CNDP1: variants seen among roughly 807,000 people sequenced by gnomAD.
CNDP1 encodes the protein beta-Ala-His dipeptidase.
In CNDP1, 44 loss-of-function variants were observed where a neutral mutation model predicts 58.1. The ratio of observed to expected loss-of-function variants is 0.76; its 90% CI spans 0.60 to 0.97. The LOEUF (loss-of-function observed/expected upper bound fraction) is 0.97. CNDP1 is among the 50% of genes least tolerant of loss of function. The pLI is 0.00. For missense variants in CNDP1, 616 were observed against 655.1 expected (o/e 0.94, Z 0.65); for synonymous variants, 254 against 252.6 (o/e 1.01, Z -0.05).
intron 5 of CNDP1, among the ~76,000 whole-genome samples, chr18:74,563,342 G>A (rs1046574561): frequency 6.6e-6 from 1 of 152,046 alleles, no homozygotes; most frequent in African/African-American, 2.4e-5. Flanking sequence ...TTCTATCTCT[G>A]TCTCCCTCTC....
In CNDP1 at chr18:74,545,845, A is replaced by C. The variant is rs768170735; in HGVS notation, c.25-10493A>C. Among the ~76,000 whole-genome samples the C allele has an allele frequency of 6.6e-6, 1 of 152,130 alleles. No homozygotes were observed. Among genetic ancestry groups the C allele is most frequent in the Non-Finnish European group, 1.5e-5 (1 of 68,020 alleles). On this transcript the variant is annotated intron_variant, in intron 1 of 11. Transcript: ENST00000358821. The surrounding 1 kb of genome is among the most constrained non-coding windows in gnomAD (Gnocchi z 4.1). The stretch of plus-strand genomic sequence containing the variant: ...TGTGGCCACAGCTACGATATCTCCA[A>C]AGGAGAATGTTCGCCTTGGGTTTTG...
intron 2 of CNDP1, among the ~76,000 whole-genome samples, chr18:74,558,392 C>CTTTTTTTTTTTTTTTTT (rs71168498): frequency 1.7e-5 from 2 of 114,310 alleles, no homozygotes; most frequent in African/African-American, 3.6e-5. Context: ...CTTTCTTTTT[C>CTTTTTTTTTTTTTTTTT]TTTTTTTTTT....
At chr18:74,549,592 GA>G in intron 1 of CNDP1, among the ~76,000 whole-genome samples, 1 of 152,224 alleles carries the variant, frequency 6.6e-6, no homozygotes, top group Admixed American at 6.5e-5. Context: ...ATGTGGCAGA[GA>G]AAGAAAAATC....
chr18:74,551,917 A>G (rs1433539306), intron 1 of CNDP1, among the ~76,000 whole-genome samples: 2 of 151,712 alleles, frequency 1.3e-5, no homozygotes. Context: ...GCGAAAAAAA[A>G]AAACAAAAAA....
chr18:74,537,570 G>A (rs1373809404), intron 1 of CNDP1, among the ~76,000 whole-genome samples: 1 of 152,164 alleles, frequency 6.6e-6, no homozygotes, highest in Non-Finnish European at 1.5e-5. Flanking sequence ...CAACAGCTAG[G>A]GTGGATCCCT....
At chr18:74,553,575 G>C (rs1441081871) in intron 1 of CNDP1, among the ~76,000 whole-genome samples, 2 of 152,162 alleles carry the variant, frequency 1.3e-5, no homozygotes, top group African/African-American at 4.8e-5. Flanking sequence ...TCATAAATGT[G>C]AGGATTTATT....
At chr18:74,540,546 A>C (rs1980594288) in intron 1 of CNDP1, among the ~76,000 whole-genome samples, 1 of 152,140 alleles carries the variant, frequency 6.6e-6, no homozygotes, top group South Asian at 2.1e-4. Flanking sequence ...ATAAGAGGGA[A>C]TGGCAACAGC....
intron 1 of CNDP1, among the ~76,000 whole-genome samples, chr18:74,544,770 A>AC (rs55834310): frequency 0.18 from 27,228 of 150,456 alleles, 2,551 homozygotes; most frequent in Middle Eastern, 0.26. Context: ...GAAAATAATA[A>AC]CAGGGTGTAC....
chr18:74,537,676 C>A (rs1356751248), intron 1 of CNDP1, among the ~76,000 whole-genome samples: 1 of 152,152 alleles, frequency 6.6e-6, no homozygotes, highest in Non-Finnish European at 1.5e-5. Flanking sequence ...TTGGATGGGG[C>A]ACATGCAGTG....
intron 10 of CNDP1, 144 bp from the exon 11 acceptor site, chr18:74,583,417 C>G: frequency 1.5e-6 from 1 of 674,492 alleles, no homozygotes; most frequent in Non-Finnish European, 2.6e-6. Flanking sequence ...GCTTCCTTAC[C>G]CCAAAGCACC....
At chr18:74,581,294 C>T (rs117027025) in intron 10 of CNDP1, among the ~76,000 whole-genome samples, 19 of 149,972 alleles carry the variant, frequency 1.3e-4, no homozygotes, top group Non-Finnish European at 1.9e-4. Flanking sequence ...GGACGTTGGA[C>T]GGACACAAGG....
At chr18:74,553,622 G>A (rs762410834) in intron 1 of CNDP1, among the ~76,000 whole-genome samples, 1 of 152,132 alleles carries the variant, frequency 6.6e-6, no homozygotes, top group Non-Finnish European at 1.5e-5. Flanking sequence ...ATATGTATGT[G>A]TGTCCTTAAG....
rs1420119846 is a variant in CNDP1, at chr18:74,562,086, C to G, written c.506C>G (p.Pro169Arg). The G allele has an allele frequency of 6.2e-7, 1 of 1,614,088 alleles. No homozygotes were observed. The highest frequency in any genetic ancestry group is 1.7e-5 in the Admixed American group (1 of 60,018). ...CGAGGAGCGACCGACAACAAAGGCC[C>G]TGTCTTGGCTTGGATCAATGCTGTG... ...YGRGATDNKG[P>R]VLAWINAVSA... The change falls in exon 5 of 12, where the codon CCT (proline) becomes CGT (arginine). Residue 169 changes from proline (P) to arginine (R), a missense_variant. By Grantham distance (103) the Pro-to-Arg change is moderately radical (BLOSUM62 -2). Transcript: ENST00000358821.
chr18:74,554,559 C>T (rs1209315316), intron 1 of CNDP1, among the ~76,000 whole-genome samples: 1 of 152,186 alleles, frequency 6.6e-6, no homozygotes. Context: ...CTCCCCAGCT[C>T]ACCTTCACTC....
intron 6 of CNDP1, 47 bp from the exon 7 acceptor site, chr18:74,571,139 G>A: frequency 7.6e-7 from 1 of 1,314,484 alleles, no homozygotes; most frequent in Non-Finnish European, 1.1e-6. Context: ...TTACACTAAA[G>A]GAACCAAGGC....
At chr18:74,567,505 A>G in intron 6 of CNDP1, 72 bp downstream of exon 6, 5 of 1,316,786 alleles carry the variant, frequency 3.8e-6, no homozygotes, top group Non-Finnish European at 4.4e-6. Context: ...CCATTCTGGG[A>G]TCTTGGAGAG....
At chr18:74,568,654 A>G (rs1981391726) in intron 6 of CNDP1, among the ~76,000 whole-genome samples, 1 of 152,130 alleles carries the variant, frequency 6.6e-6, no homozygotes. Context: ...GGGTAGGTAG[A>G]GAGCTCCAAG....
At chr18:74,570,246 AAAAAAG>A (rs1327575025) in intron 6 of CNDP1, among the ~76,000 whole-genome samples, 1 of 147,986 alleles carries the variant, frequency 6.8e-6, no homozygotes, top group Non-Finnish European at 1.5e-5. Flanking sequence ...AATAATTAAA[AAAAAAG>A]AAAAGAAAAG....
chr18:74,542,626 G>C (rs1012296836), intron 1 of CNDP1, among the ~76,000 whole-genome samples: 2 of 152,182 alleles, frequency 1.3e-5, no homozygotes, highest in Admixed American at 1.3e-4. Flanking sequence ...ATCTCACTCT[G>C]TGATCCTCCC....
Sources: allele counts gnomAD v4.1 joint callset (sites outside exome capture counted in the v4.1 genomes callset), GRCh38; gene constraint gnomAD v4.1.1; non-coding constraint Gnocchi (gnomAD v3.1); transcripts MANE v1.5; gene names NCBI Gene and HGNC (gene_info 2026-07-23, HGNC 2026-07-21).